FRMD4A: variants seen among roughly 807,000 people sequenced by gnomAD.
The protein encoded by FRMD4A is FERM domain containing 4A.
In FRMD4A, 29 loss-of-function variants were observed where a neutral mutation model predicts 129.1. The ratio of observed to expected loss-of-function variants is 0.22; its 90% confidence interval spans 0.17 to 0.31. FRMD4A has a LOEUF of 0.31. Ranked by LOEUF, FRMD4A falls within the 10% of genes least tolerant of loss-of-function variation. The probability of loss-of-function intolerance (pLI) is 1.00; values close to 1 mark genes in which losing one functional copy is unlikely to be tolerated. For synonymous variants in FRMD4A, 634 were observed against 571.6 expected (o/e 1.11, Z -1.56); for missense variants, 1,272 against 1,375.8 (o/e 0.92, Z 1.19).
chr10:13,972,011 T>G (rs2095521513), intron 2 of FRMD4A: 1 of 1,178,062 alleles, frequency 8.5e-7, no homozygotes, highest in Non-Finnish European at 1.1e-6. Context: ...CCTTCAAGGA[T>G]AAGCAAAAGG....
In FRMD4A at chr10:13,657,144, G is replaced by GCCCCC; in HGVS notation, c.2440_2444dup (p.Ala816GlyfsTer83). On this transcript the variant is annotated frameshift_variant, in exon 22 of 25. Transcript: ENST00000357447. LOFTEE classifies it high-confidence loss of function. The stretch of plus-strand genomic sequence containing the variant: ...TGTGCAGGTACACACCGCCCCCCGC[G>GCCCCC]CCCCCCGCGCCCCCCGCACCCCCGC... The GCCCCC allele has an allele frequency of 7.2e-7, 1 of 1,380,534 alleles. No homozygotes were observed. Among genetic ancestry groups the GCCCCC allele is most frequent in the Non-Finnish European group, 9.6e-7 (1 of 1,039,100 alleles). The allele number at this position is 1,380,534 out of a possible 1,614,324, so 85.5% of individuals were successfully genotyped here.
At chr10:13,727,353 G>A (rs986153827) in intron 12 of FRMD4A, among the ~76,000 whole-genome samples, 21 of 152,224 alleles carry the variant, frequency 1.4e-4, no homozygotes, top group Middle Eastern at 3.4e-3. Flanking sequence ...TCCCGGAATC[G>A]TCTCAGCTAC....
intron 2 of FRMD4A, among the ~76,000 whole-genome samples, chr10:14,138,767 GA>G (rs201344017): frequency 4.0e-5 from 6 of 149,908 alleles, no homozygotes; most frequent in African/African-American, 1.5e-4. Flanking sequence ...AAAAAAAAAA[GA>G]AAAAAAGAAA....
intron 15 of FRMD4A, among the ~76,000 whole-genome samples, chr10:13,677,437 C>T (rs1041825299): frequency 3.9e-5 from 6 of 152,150 alleles, no homozygotes; most frequent in Non-Finnish European, 7.3e-5. Flanking sequence ...ACCTACCTTC[C>T]GAGCTTTGAA....
chr10:14,111,154 CTTAGCCCCTGATAACTA>C (rs1205908013), intron 2 of FRMD4A, among the ~76,000 whole-genome samples: 2 of 152,214 alleles, frequency 1.3e-5, no homozygotes, highest in East Asian at 3.8e-4. Context: ...TCTACCCTAG[CTTAGCCCCTGATAACTA>C]TCATTCTGCT....
intron 2 of FRMD4A, among the ~76,000 whole-genome samples, chr10:14,293,995 A>G (rs1053924886): frequency 2.0e-5 from 3 of 152,248 alleles, no homozygotes; most frequent in Non-Finnish European, 2.9e-5. Context: ...GCAAAACTAA[A>G]TGTATTACTT....
At chr10:14,309,560 A>T (rs1166251815) in intron 2 of FRMD4A, among the ~76,000 whole-genome samples, 2 of 152,232 alleles carry the variant, frequency 1.3e-5, no homozygotes, top group Non-Finnish European at 1.5e-5. Flanking sequence ...CATGGATTTT[A>T]TATAAACTTC....
chr10:13,647,621 T>C (rs944092237), intron 24 of FRMD4A: 2 of 152,172 alleles, frequency 1.3e-5, no homozygotes, highest in African/African-American at 4.8e-5. Flanking sequence ...GTTTTAAAAG[T>C]TTAAAAAAAA....
At chr10:13,919,413 A>G (rs2095045564) in intron 2 of FRMD4A, among the ~76,000 whole-genome samples, 2 of 152,190 alleles carry the variant, frequency 1.3e-5, no homozygotes, top group African/African-American at 4.8e-5. Context: ...GGCGGGTCCA[A>G]GAGAGAAAGA....
intron 15 of FRMD4A, among the ~76,000 whole-genome samples, chr10:13,688,205 T>C (rs934751829): frequency 3.9e-5 from 6 of 152,184 alleles, no homozygotes; most frequent in African/African-American, 7.2e-5. Flanking sequence ...CATGGAATAC[T>C]ATGCAGCCAT....
At chr10:14,105,114 T>C (rs1337196182) in intron 2 of FRMD4A, among the ~76,000 whole-genome samples, 4 of 152,172 alleles carry the variant, frequency 2.6e-5, no homozygotes, top group African/African-American at 7.2e-5. Context: ...CATCACTGCA[T>C]CTCTGGAGCC....
intron 2 of FRMD4A, among the ~76,000 whole-genome samples, chr10:14,001,002 A>T (rs2095640932): frequency 6.6e-6 from 1 of 152,092 alleles, no homozygotes; most frequent in South Asian, 2.1e-4. Flanking sequence ...GAATGACATG[A>T]CCCAAAAACC....
chr10:13,787,813 C>T (rs577780410), intron 5 of FRMD4A, among the ~76,000 whole-genome samples: 5 of 150,192 alleles, frequency 3.3e-5, no homozygotes, highest in African/African-American at 1.2e-4. Context: ...AGTTTTTGGC[C>T]GGGCATGCCT....
At chr10:13,887,408 C>T (rs1243810302) in intron 2 of FRMD4A, among the ~76,000 whole-genome samples, 3 of 152,104 alleles carry the variant, frequency 2.0e-5, no homozygotes, top group South Asian at 4.1e-4. Context: ...AGGCCGGGGG[C>T]GGTGGCTCAC....
intron 2 of FRMD4A, among the ~76,000 whole-genome samples, chr10:14,100,849 T>A (rs1259014365): frequency 1.3e-5 from 2 of 152,160 alleles, no homozygotes; most frequent in African/African-American, 4.8e-5. Flanking sequence ...ATTTGATGAC[T>A]TTAGTGGAAA....
rs1420696728 is a variant in FRMD4A at position 13,644,882 on chromosome 10, T to C, written c.*2156A>G. 6.6e-6 allele frequency: 1 copy of C among 152,274 alleles called. No individual in the cohort carries two copies. 9.4% of individuals were successfully genotyped at this position (152,274 alleles called of 1,614,324 possible). A position where few individuals can be genotyped will look rare whatever the true frequency, so the allele number is the denominator to read the frequency against. ...ATCCCCCAGTGAATCCCTAGAATCA[T>C]TTAATAATGTAACCGGTATCTCTTT... is the stretch of plus-strand genomic sequence containing the variant. On this transcript the variant is annotated 3_prime_UTR_variant, in exon 25 of 25. Transcript: ENST00000357447.
At chr10:13,990,049 T>C (rs922596362) in intron 2 of FRMD4A, among the ~76,000 whole-genome samples, 2 of 152,208 alleles carry the variant, frequency 1.3e-5, no homozygotes, top group African/African-American at 4.8e-5. Flanking sequence ...TCAGACTACC[T>C]GGGTTCAAAC....
intron 2 of FRMD4A, among the ~76,000 whole-genome samples, chr10:14,023,546 C>G (rs1832858084): frequency 6.6e-6 from 1 of 152,158 alleles, no homozygotes; most frequent in Non-Finnish European, 1.5e-5. Flanking sequence ...ATCGAGAAGA[C>G]CTTTCAGCTG....
intron 2 of FRMD4A, among the ~76,000 whole-genome samples, chr10:14,120,972 T>C (rs1838476851): frequency 6.6e-6 from 1 of 152,232 alleles, no homozygotes. Flanking sequence ...AGCAGTTTTC[T>C]GGGTGTGATC....
Sources: gnomAD v4.1 joint callset for allele counts (sites outside exome capture counted in the v4.1 genomes callset) on GRCh38, gnomAD v4.1.1 for gene constraint, MANE v1.5 for transcripts, NCBI Gene and HGNC (gene_info 2026-07-23, HGNC 2026-07-21) for gene names.